Variants in APP observed in about 807,000 individuals in gnomAD.
APP encodes amyloid beta precursor protein.
APP carries 31 observed loss-of-function variants against 101.4 expected under a neutral mutation model. The ratio of observed to expected loss-of-function variants is 0.31; its 90% CI spans 0.23 to 0.41. The LOEUF is 0.41. Ranked by LOEUF, APP falls within the 10% of genes least tolerant of loss-of-function variation. The pLI is 1.00. For missense variants in APP, 839 were observed against 1,003.7 expected, an observed-to-expected ratio of 0.84 and a Z score of 2.22; for synonymous variants, 366 against 364.4, an observed-to-expected ratio of 1.00 and a Z score of -0.05.
intron 5 of APP, among the ~76,000 whole-genome samples, chr21:26,047,536 G>T (rs911000408): frequency 6.6e-6 from 1 of 152,064 alleles, no homozygotes; most frequent in Non-Finnish European, 1.5e-5. Context: ...CCGCCTGCAG[G>T]GCTACAGGAA....
intron 13 of APP, among the ~76,000 whole-genome samples, chr21:25,921,542 A>C (rs1293887944): frequency 1.4e-5 from 2 of 148,104 alleles, no homozygotes; most frequent in Non-Finnish European, 3.0e-5. Context: ...GATAAAGGGG[A>C]TATCACCACC....
chr21:25,995,362 A>C (rs187046226), intron 8 of APP, among the ~76,000 whole-genome samples: 1 of 152,314 alleles, frequency 6.6e-6, no homozygotes, highest in East Asian at 1.9e-4. Context: ...CTGTATTCTT[A>C]AAATGTGCTT....
intron 1 of APP, among the ~76,000 whole-genome samples, chr21:26,164,917 G>A (rs1327400232): frequency 6.6e-6 from 1 of 150,776 alleles, no homozygotes; most frequent in Admixed American, 6.6e-5. Context: ...AAAAAACTAG[G>A]TATTTCCCAT....
chr21:25,915,104 G>A (rs903456656), intron 13 of APP, among the ~76,000 whole-genome samples: 4 of 152,162 alleles, frequency 2.6e-5, no homozygotes, highest in African/African-American at 9.7e-5. Context: ...GGCCCTCTGT[G>A]GTCTGGGCCC....
intron 7 of APP, 84 bp downstream of exon 7, chr21:25,999,931 C>A (rs962268805): frequency 6.7e-7 from 1 of 1,494,158 alleles, no homozygotes; most frequent in African/African-American, 1.4e-5. Flanking sequence ...TTCCCAAGAA[C>A]CAGGAAAATC....
chr21:26,044,998 C>A (rs575006850), intron 5 of APP, among the ~76,000 whole-genome samples: 1 of 152,184 alleles, frequency 6.6e-6, no homozygotes, highest in Admixed American at 6.5e-5. Context: ...GATGCTTATG[C>A]AACACATTTT....
chr21:26,133,552 G>A lies in APP; in HGVS notation c.58-21406C>T, dbSNP rs957319033. Reference sequence around the variant, plus strand: ...TGTAATCCCAGCACTTTGGGAGGCCGAGGCGGGTGGGATCATGAGGTCAGG... The same window carrying A: ...TGTAATCCCAGCACTTTGGGAGGCCAAGGCGGGTGGGATCATGAGGTCAGG... On this transcript the variant is annotated intron_variant, in intron 1 of 17. Coordinates refer to ENST00000346798, the MANE Select transcript of APP (RefSeq NM_000484.4). 5.3e-5 allele frequency among the ~76,000 whole-genome samples: 8 copies of A among 152,186 alleles called. No homozygotes were observed. The South Asian group carries it at 8.3e-4, about 16-fold the overall frequency.
At chr21:26,088,853 A>G (rs1601429045) in intron 3 of APP, among the ~76,000 whole-genome samples, 1 of 152,332 alleles carries the variant, frequency 6.6e-6, no homozygotes, top group East Asian at 1.9e-4. Flanking sequence ...CTCTTCATCA[A>G]TTACATTGTA....
chr21:26,019,891 C>A (rs1360015511), intron 6 of APP, among the ~76,000 whole-genome samples: 1 of 152,184 alleles, frequency 6.6e-6, no homozygotes, highest in Non-Finnish European at 1.5e-5. Flanking sequence ...ATGAAAAACA[C>A]CCTGAGAAAG....
intron 2 of APP, among the ~76,000 whole-genome samples, chr21:26,101,118 T>TTTTTTG (rs1480756291): frequency 3.7e-5 from 4 of 108,518 alleles, no homozygotes; most frequent in African/African-American, 1.3e-4. Flanking sequence ...TTTTTTTTTT[T>TTTTTTG]GGGATGGAGT....
At chr21:26,127,182 A>C (rs999008549) in intron 1 of APP, among the ~76,000 whole-genome samples, 2 of 129,872 alleles carry the variant, frequency 1.5e-5, no homozygotes, top group African/African-American at 6.9e-5. Context: ...TTGAGGGTTA[A>C]TTATCCAGCT....
chr21:25,950,100 T>C (rs2040998736), intron 13 of APP, among the ~76,000 whole-genome samples: 1 of 152,114 alleles, frequency 6.6e-6, no homozygotes, highest in Admixed American at 6.5e-5. Context: ...AGAATAAAAT[T>C]ATCAGTCTCC....
At chr21:26,135,207 T>C (rs1257058882) in intron 1 of APP, among the ~76,000 whole-genome samples, 1 of 152,192 alleles carries the variant, frequency 6.6e-6, no homozygotes, top group Non-Finnish European at 1.5e-5. Flanking sequence ...CTTTCTTAAA[T>C]TGAGAGCTTA....
chr21:25,900,475 G>A (rs1011034472), intron 15 of APP, among the ~76,000 whole-genome samples: 3 of 150,626 alleles, frequency 2.0e-5, no homozygotes, highest in Admixed American at 6.7e-5. Context: ...CATAAGAATC[G>A]CTTGAACCCG....
rs1463460328 is a variant in APP, at chr21:25,909,581, A to G, written c.1909+2160T>C. Among the ~76,000 whole-genome samples the G allele has an allele frequency of 4.6e-5, 7 of 151,950 alleles. 1 individual carries two copies. The South Asian group carries it at 1.0e-3, about 23-fold the overall frequency. On this transcript the variant is annotated intron_variant, in intron 14 of 17. Transcript: ENST00000346798. ...GGCAATTACCAAGGGTTCACAGTGTATGTGTGTGTGTGTACATTCACACGT... is the reference window on the plus strand; with the variant it reads ...GGCAATTACCAAGGGTTCACAGTGTGTGTGTGTGTGTGTACATTCACACGT...
chr21:26,152,184 C>T (rs1201454543), intron 1 of APP, among the ~76,000 whole-genome samples: 2 of 147,648 alleles, frequency 1.4e-5, no homozygotes, highest in Non-Finnish European at 3.0e-5. Context: ...ACTCGGGAGG[C>T]TGAGGCGGGA....
At chr21:26,094,133 A>T (rs1006942365) in intron 2 of APP, among the ~76,000 whole-genome samples, 11 of 151,578 alleles carry the variant, frequency 7.3e-5, no homozygotes, top group African/African-American at 2.4e-4. Flanking sequence ...AAAAAAAAAA[A>T]TTTGAACCAC....
chr21:25,996,013 C>T (rs1391563162), intron 8 of APP, among the ~76,000 whole-genome samples: 2 of 151,716 alleles, frequency 1.3e-5, no homozygotes, highest in African/African-American at 4.8e-5. Context: ...TGAAATTGTG[C>T]CTCTTCTTCC....
chr21:25,908,490 G>A (rs2038901896), intron 14 of APP, among the ~76,000 whole-genome samples: 1 of 152,192 alleles, frequency 6.6e-6, no homozygotes, highest in African/African-American at 2.4e-5. Flanking sequence ...ATGTGTGTGT[G>A]TGTGCACATG....
Sources: gnomAD v4.1 joint callset for allele counts (sites outside exome capture counted in the v4.1 genomes callset) on GRCh38, gnomAD v4.1.1 for gene constraint, MANE v1.5 for transcripts, NCBI Gene and HGNC (gene_info 2026-07-23, HGNC 2026-07-21) for gene names.